The following DNAJC6 variants were observed in gnomAD, a reference collection of about 807,000 sequenced individuals.
DNAJC6 encodes the protein DnaJ heat shock protein family (Hsp40) member C6, also known as auxilin.
Under a neutral mutation model 110.0 loss-of-function variants are expected in DNAJC6, and 34 were observed. The observed-to-expected ratio is 0.31, with a 90% CI of 0.24 to 0.41. The LOEUF is 0.41. Ranked by LOEUF, DNAJC6 falls within the 10% of genes least tolerant of loss-of-function variation. DNAJC6 has a pLI of 1.00. For synonymous variants in DNAJC6, 406 were observed against 437.2 expected (o/e 0.93, Z 0.89); for missense variants, 1,031 against 1,207.8 (o/e 0.85, Z 2.17).
chr1:65,394,997 T>A lies in DNAJC6; in HGVS notation c.2003T>A (p.Leu668His), dbSNP rs1363537326. ...NTSSASSDPF[L>H]QPTRSPSPTV... Reference sequence around the variant, plus strand: ...TCCAGTGCTTCCAGTGACCCCTTTCTCCAGCCAACAAGAAGTCCTTCGCCC... The same window carrying A: ...TCCAGTGCTTCCAGTGACCCCTTTCACCAGCCAACAAGAAGTCCTTCGCCC... The change falls in exon 13 of 19, where the codon CTC becomes CAC. Residue 668 changes from leucine to histidine, a missense_variant. Leu to His is a moderately conservative substitution (Grantham distance 99). Transcript: ENST00000371069. 1.9e-6 allele frequency: 3 copies of A among 1,612,326 alleles called. No homozygotes were observed. Among genetic ancestry groups the A allele is most frequent in the Admixed American group, 3.3e-5 (2 of 59,732 alleles).
At chr1:65,393,203 G>A (rs1210601650) in intron 12 of DNAJC6, among the ~76,000 whole-genome samples, 2 of 151,992 alleles carry the variant, frequency 1.3e-5, no homozygotes, top group East Asian at 1.9e-4. Context: ...ATATTTATGA[G>A]GTATTTACTA....
chr1:65,374,857 C>T (rs1293681985), intron 4 of DNAJC6, among the ~76,000 whole-genome samples: 3 of 152,066 alleles, frequency 2.0e-5, no homozygotes, highest in Non-Finnish European at 4.4e-5. Flanking sequence ...TGTTGTGTTC[C>T]ATTCTTTAGA....
intron 14 of DNAJC6, among the ~76,000 whole-genome samples, chr1:65,400,188 G>T (rs1570376275): frequency 6.6e-6 from 1 of 152,184 alleles, no homozygotes; most frequent in African/African-American, 2.4e-5. Context: ...CTCAAAAAAA[G>T]ATTTTTCTTT....
At chr1:65,391,465 G>A (rs963377392) in intron 11 of DNAJC6, among the ~76,000 whole-genome samples, 1 of 152,130 alleles carries the variant, frequency 6.6e-6, no homozygotes, top group Non-Finnish European at 1.5e-5. Flanking sequence ...ATTTTGTGCT[G>A]AAAGTACCCC....
At chr1:65,309,419 C>T (rs1480198850), upstream of DNAJC6, 4 of 441,564 alleles carry the variant, frequency 9.1e-6, no homozygotes, top group African/African-American at 4.3e-5. Context: ...CACTCCTCAG[C>T]CAGGAGGTGC....
At chr1:65,349,897 A>G (rs764907210) in intron 1 of DNAJC6, among the ~76,000 whole-genome samples, 5 of 152,042 alleles carry the variant, frequency 3.3e-5, no homozygotes, top group Non-Finnish European at 7.4e-5. Context: ...GTTTGGAGGT[A>G]TTTTTGGTTG....
At chr1:65,306,444 AG>A (rs1645039324), upstream of DNAJC6, 1 of 152,232 alleles carries the variant, frequency 6.6e-6, no homozygotes, top group South Asian at 2.1e-4. Context: ...TTGATCTCTT[AG>A]CCCACCCCAA....
At chr1:65,363,428 CAGAGAAAG>C (rs1209188135) in intron 1 of DNAJC6, among the ~76,000 whole-genome samples, 9 of 81,264 alleles carry the variant, frequency 1.1e-4, no homozygotes, top group Admixed American at 5.3e-4. Flanking sequence ...GAGAGAGAGA[CAGAGAAAG>C]AGAGAAAGAG....
At chr1:65,279,781 G>C (rs1043852997) in intron 1 of DNAJC6, 1 of 152,052 alleles carries the variant, frequency 6.6e-6, no homozygotes, top group Non-Finnish European at 1.5e-5. Context: ...CTTCCCACTC[G>C]CTGCCTATAA....
intron 4 of DNAJC6, among the ~76,000 whole-genome samples, chr1:65,377,016 G>A (rs1645773059): frequency 1.3e-5 from 2 of 152,130 alleles, no homozygotes; most frequent in South Asian, 4.1e-4. Flanking sequence ...GCCTGCCTAG[G>A]CCTCCCAAAG....
intron 1 of DNAJC6, among the ~76,000 whole-genome samples, chr1:65,312,286 T>G (rs1645108644): frequency 6.6e-6 from 1 of 152,186 alleles, no homozygotes; most frequent in Non-Finnish European, 1.5e-5. Flanking sequence ...ACAATGATTT[T>G]GATGCATATT....
At chr1:65,276,529 T>A (rs1653677011) in intron 1 of DNAJC6, among the ~76,000 whole-genome samples, 3 of 152,096 alleles carry the variant, frequency 2.0e-5, no homozygotes, top group Non-Finnish European at 4.4e-5. Flanking sequence ...TACTTCTGGT[T>A]CTCCTAATCC....
chr1:65,268,461 A>G, intron 1 of DNAJC6, among the ~76,000 whole-genome samples: 1 of 152,266 alleles, frequency 6.6e-6, no homozygotes, highest in Middle Eastern at 3.2e-3. Flanking sequence ...CTCCTATTTA[A>G]TTAACAACTG....
intron 1 of DNAJC6, among the ~76,000 whole-genome samples, chr1:65,321,321 T>C (rs1180187461): frequency 2.0e-5 from 3 of 152,152 alleles, no homozygotes; most frequent in Admixed American, 1.3e-4. Flanking sequence ...CTGCCTCAGC[T>C]TTCCAAGTAG....
chr1:65,350,095 A>T (rs887618922), intron 1 of DNAJC6, among the ~76,000 whole-genome samples: 29 of 152,128 alleles, frequency 1.9e-4, no homozygotes, highest in African/African-American at 6.5e-4. Flanking sequence ...TTTTTCCACC[A>T]AATATTGGAA....
At chr1:65,358,178 C>CAAAAAAAAAAAAAA (rs11285114) in intron 1 of DNAJC6, among the ~76,000 whole-genome samples, 2 of 80,036 alleles carry the variant, frequency 2.5e-5, no homozygotes, top group Non-Finnish European at 4.8e-5. Flanking sequence ...GACTCAGTCT[C>CAAAAAAAAAAAAAA]AAAAAAAAAA....
At chr1:65,390,072 A>C (rs1252567451) in intron 11 of DNAJC6, among the ~76,000 whole-genome samples, 1 of 151,804 alleles carries the variant, frequency 6.6e-6, no homozygotes, top group Non-Finnish European at 1.5e-5. Context: ...TTCCCTTTTC[A>C]AATCAGGCAA....
At chr1:65,267,117 G>T (rs538424779) in intron 1 of DNAJC6, among the ~76,000 whole-genome samples, 2 of 151,982 alleles carry the variant, frequency 1.3e-5, no homozygotes, top group African/African-American at 2.4e-5. Flanking sequence ...GGCTGGTCTC[G>T]AACTCCTGAC....
intron 4 of DNAJC6, among the ~76,000 whole-genome samples, chr1:65,372,626 C>T (rs527769541): frequency 6.6e-6 from 1 of 152,170 alleles, no homozygotes; most frequent in African/African-American, 2.4e-5. Context: ...ACTTTACACA[C>T]TAGATAATTG....
Sources: allele counts gnomAD v4.1 joint callset (sites outside exome capture counted in the v4.1 genomes callset), GRCh38; gene constraint gnomAD v4.1.1; transcripts MANE v1.5; gene names NCBI Gene and HGNC (gene_info 2026-07-23, HGNC 2026-07-21).